Variants in SPAG16 observed in about 807,000 individuals in gnomAD.
SPAG16 encodes the protein sperm-associated antigen 16 protein.
SPAG16 carries 86 observed loss-of-function variants against 80.4 expected under a neutral mutation model. The observed-to-expected ratio is 1.07, with a 90% CI of 0.90 to 1.28. The LOEUF is 1.28. Among genes scored for constraint, SPAG16 ranks in the 50% most tolerant of loss-of-function variants. SPAG16 has a pLI of 0.00. For synonymous variants in SPAG16, 294 were observed against 265.9 expected (o/e 1.11, Z -1.03); for missense variants, 870 against 765.3 (o/e 1.14, Z -1.61).
At chr2:213,825,701 C>CTTTTTTTTTTTTTTTTT (rs55777958) in intron 10 of SPAG16, among the ~76,000 whole-genome samples, 59 of 109,774 alleles carry the variant, frequency 5.4e-4, no homozygotes, top group African/African-American at 9.9e-4. Context: ...TTCTTTCTTT[C>CTTTTTTTTTTTTTTTTT]TTTTTTTTTT....
At chr2:213,878,920 A>G (rs1182518388) in intron 11 of SPAG16, among the ~76,000 whole-genome samples, 1 of 151,970 alleles carries the variant, frequency 6.6e-6, no homozygotes, top group Non-Finnish European at 1.5e-5. Context: ...TCCCCAGTGC[A>G]TGTTTTTGAC....
At chr2:213,588,923 T>C (rs1348235120) in intron 10 of SPAG16, among the ~76,000 whole-genome samples, 3 of 150,680 alleles carry the variant, frequency 2.0e-5, no homozygotes, top group Non-Finnish European at 4.4e-5. Context: ...TCAAGATTCT[T>C]ACATGGTAGA....
intron 12 of SPAG16, among the ~76,000 whole-genome samples, chr2:213,952,721 G>A (rs72950740): frequency 7.9e-5 from 12 of 151,868 alleles, no homozygotes; most frequent in African/African-American, 2.9e-4. Context: ...CGTGGATGGA[G>A]GGCTAAGAAA....
intron 11 of SPAG16, among the ~76,000 whole-genome samples, chr2:213,908,155 G>A (rs964843878): frequency 6.6e-6 from 1 of 152,072 alleles, no homozygotes; most frequent in Non-Finnish European, 1.5e-5. Flanking sequence ...ATCAACTAAA[G>A]ATAAAAGAGA....
At chr2:213,359,951 A>G (rs1206448226) in intron 7 of SPAG16, among the ~76,000 whole-genome samples, 1 of 152,194 alleles carries the variant, frequency 6.6e-6, no homozygotes, top group Non-Finnish European at 1.5e-5. Context: ...TTGATATCTA[A>G]TATGGAACAG....
intron 7 of SPAG16, among the ~76,000 whole-genome samples, chr2:213,359,217 G>T (rs1201996992): frequency 6.6e-6 from 1 of 152,172 alleles, no homozygotes; most frequent in African/African-American, 2.4e-5. Context: ...CTCCCAGTCA[G>T]GCTGCATGGG....
At chr2:213,405,805 A>C (rs2068580373) in intron 9 of SPAG16, among the ~76,000 whole-genome samples, 1 of 152,166 alleles carries the variant, frequency 6.6e-6, no homozygotes, top group Non-Finnish European at 1.5e-5. Flanking sequence ...TAATAACAGG[A>C]TTTCATTCTT....
chr2:213,363,297 G>C (rs759909363), intron 7 of SPAG16, among the ~76,000 whole-genome samples: 2 of 151,534 alleles, frequency 1.3e-5, no homozygotes, highest in African/African-American at 2.4e-5. Context: ...TAATTCTTTT[G>C]GCTTCTAGGA....
chr2:213,319,425 G>A (rs1307915606), intron 5 of SPAG16, among the ~76,000 whole-genome samples: 2 of 151,888 alleles, frequency 1.3e-5, no homozygotes, highest in East Asian at 1.9e-4. Context: ...GTCTATGGAT[G>A]TAATGTACCA....
intron 13 of SPAG16, among the ~76,000 whole-genome samples, chr2:214,052,076 G>GT (rs1385003052): frequency 1.3e-5 from 2 of 152,116 alleles, no homozygotes; most frequent in East Asian, 3.8e-4. Context: ...CTCTATTCAT[G>GT]TCAAGTAGGA....
rs534330597 is a variant in SPAG16, at chr2:213,917,013, G to A, written c.1215-12947G>A. On this transcript the variant is annotated intron_variant, in intron 11 of 15. Coordinates refer to ENST00000331683, the MANE Select transcript of SPAG16 (RefSeq NM_024532.5). ...GTCCAGTGTCAATCTTTTGCATCTG[G>A]CTAGCACATTTTATTGAATAGGGAA... 9.2e-5 allele frequency among the ~76,000 whole-genome samples: 14 copies of A among 151,918 alleles called. No homozygotes were observed. The South Asian group carries it at 2.9e-3, about 32-fold the overall frequency.
chr2:213,686,774 C>T (rs1329388241), intron 10 of SPAG16, among the ~76,000 whole-genome samples: 1 of 150,090 alleles, frequency 6.7e-6, no homozygotes, highest in East Asian at 2.0e-4. Flanking sequence ...GCAACCTCCA[C>T]CTCCTGGGCT....
chr2:213,374,136 A>AT (rs369533032), intron 8 of SPAG16, among the ~76,000 whole-genome samples: 28 of 152,148 alleles, frequency 1.8e-4, no homozygotes, highest in African/African-American at 6.5e-4. Flanking sequence ...TATTTTGAGG[A>AT]TTTTCTCCTT....
rs2077111037 is a variant in SPAG16, at chr2:213,899,131, G to A, written c.1215-30829G>A. On this transcript the variant is annotated intron_variant, in intron 11 of 15. Coordinates refer to ENST00000331683, the MANE Select transcript of SPAG16 (RefSeq NM_024532.5). ...TGCCTTATTCAATATAAATAGGCCA[G>A]TTGTGAGTTAGGATAGTGTGGATGT... is the stretch of plus-strand genomic sequence containing the variant. Among the ~76,000 whole-genome samples, 3 of 152,236 alleles carry A rather than the reference G, an allele frequency of 2.0e-5. No homozygotes were observed. The South Asian group carries it at 6.2e-4, about 32-fold the overall frequency.
chr2:214,253,741 G>A lies in SPAG16; in HGVS notation c.1720+104475G>A, dbSNP rs149348825. Among the ~76,000 whole-genome samples, 493 of 152,238 alleles carry A rather than the reference G, an allele frequency of 3.2e-3. 1 individual carries two copies. The highest frequency in any genetic ancestry group is 0.011 in the African/African-American group (477 of 41,544). The stretch of plus-strand genomic sequence containing the variant: ...ATAGTTTGAAGTCAGGTAGAGTGAT[G>A]CCTCCAGCTTTGTTCTTTTTGCTTA... On this transcript the variant is annotated intron_variant, in intron 15 of 15. Transcript: ENST00000331683.
intron 1 of SPAG16, 24 bp downstream of exon 1, chr2:213,284,643 C>T: frequency 1.3e-6 from 2 of 1,598,510 alleles, no homozygotes; most frequent in South Asian, 1.1e-5. Context: ...GGAGGCGCGG[C>T]CCGCTGCGCT....
At chr2:214,337,223 T>A (rs1436865951) in intron 15 of SPAG16, among the ~76,000 whole-genome samples, 1 of 152,114 alleles carries the variant, frequency 6.6e-6, no homozygotes, top group East Asian at 1.9e-4. Flanking sequence ...TAAAAGAGAC[T>A]ACACCATTTA....
intron 10 of SPAG16, among the ~76,000 whole-genome samples, chr2:213,636,501 G>A (rs958864088): frequency 1.3e-5 from 2 of 152,120 alleles, no homozygotes; most frequent in Non-Finnish European, 2.9e-5. Context: ...AATGATGTTG[G>A]TATTTTGATG....
chr2:213,791,661 G>A (rs533402370), intron 10 of SPAG16, among the ~76,000 whole-genome samples: 32 of 152,062 alleles, frequency 2.1e-4, no homozygotes, highest in African/African-American at 6.5e-4. Flanking sequence ...TGAAATCTAC[G>A]TTAAATACTT....
Sources: allele counts gnomAD v4.1 joint callset (sites outside exome capture counted in the v4.1 genomes callset), GRCh38; gene constraint gnomAD v4.1.1; transcripts MANE v1.5; gene names NCBI Gene and HGNC (gene_info 2026-07-23, HGNC 2026-07-21).